The following NDUFS1 variants were observed in gnomAD, a reference collection of about 807,000 sequenced individuals.
The protein encoded by NDUFS1 is NADH:ubiquinone oxidoreductase core subunit S1.
In NDUFS1, 61 loss-of-function variants were observed where a neutral mutation model predicts 84.4. The observed-to-expected ratio is 0.72, with a 90% CI of 0.59 to 0.89. The LOEUF is 0.89. Ranked by LOEUF, NDUFS1 falls within the 40% of genes least tolerant of loss-of-function variation. The pLI, the probability that NDUFS1 is intolerant of heterozygous loss-of-function variation, is 0.00. For missense variants in NDUFS1, 891 were observed against 890.0 expected (o/e 1.00, Z -0.01); for synonymous variants, 275 against 290.0 (o/e 0.95, Z 0.53).
At chr2:206,141,596 T>C (rs1303207121) in intron 12 of NDUFS1, among the ~76,000 whole-genome samples, 2 of 79,080 alleles carry the variant, frequency 2.5e-5, no homozygotes, top group Non-Finnish European at 4.6e-5. Flanking sequence ...ATTAAAAAAA[T>C]TAAAAAAAAA....
intron 13 of NDUFS1, among the ~76,000 whole-genome samples, chr2:206,137,471 C>A (rs530128151): frequency 6.6e-6 from 1 of 151,018 alleles, no homozygotes. Context: ...TTCGTCTCCC[C>A]GCCAAGGAAA....
intron 3 of NDUFS1, among the ~76,000 whole-genome samples, chr2:206,151,926 C>T (rs912670060): frequency 3.3e-5 from 5 of 152,094 alleles, no homozygotes; most frequent in African/African-American, 1.2e-4. Context: ...AGTGCAGTGG[C>T]ACAATCTCGG....
At chr2:206,144,334 C>T (rs1692077857) in intron 9 of NDUFS1, among the ~76,000 whole-genome samples, 1 of 151,814 alleles carries the variant, frequency 6.6e-6, no homozygotes, top group Non-Finnish European at 1.5e-5. Context: ...ACTAAAATAC[C>T]ATCTGAAAGT....
In NDUFS1 at chr2:206,116,026, T is replaced by C; in HGVS notation, c.*8159A>G. On this transcript the variant is annotated 3_prime_UTR_variant, in exon 19 of 19. Transcript: ENST00000233190. ...CCATGGGTAATGCTAAAAGTTGCTA[T>C]TCTAAGTCTTCTATCCACCACTAAT... 1 of 794,786 alleles carries C rather than the reference T, an allele frequency of 1.3e-6. No individual in the cohort carries two copies. Among genetic ancestry groups the C allele is most frequent in the South Asian group, 1.4e-5 (1 of 73,526 alleles). The allele number at this position is 794,786 out of a possible 1,614,324, so 49.2% of individuals were successfully genotyped here. A position where few individuals can be genotyped will look rare whatever the true frequency, so the allele number is the denominator to read the frequency against.
At chr2:206,150,178 G>A (rs952713407) in intron 3 of NDUFS1, among the ~76,000 whole-genome samples, 1 of 152,170 alleles carries the variant, frequency 6.6e-6, no homozygotes, top group Non-Finnish European at 1.5e-5. Context: ...ACTGGATAAA[G>A]TATCCTTCCA....
At position 206,135,445 on chromosome 2, in the gene NDUFS1, C is replaced by G. The variant is rs957598388; in HGVS notation, c.1393-2340G>C. Among the ~76,000 whole-genome samples, 4 of 152,098 alleles carry G rather than the reference C, an allele frequency of 2.6e-5. No homozygotes were observed. The South Asian group carries it at 8.3e-4, about 32-fold the overall frequency. ...ATCCCAGTACTTTGGGAGGCCGACA[C>G]GGGCAGATCACGAGGTCAGGAGATT... On this transcript the variant is annotated intron_variant, in intron 13 of 18. Transcript: ENST00000233190.
At chr2:206,140,647 A>AT (rs1691902801) in intron 12 of NDUFS1, among the ~76,000 whole-genome samples, 1 of 151,654 alleles carries the variant, frequency 6.6e-6, no homozygotes. Flanking sequence ...TGCCCGGCTA[A>AT]TTTTGTATTT....
rs747088738 is a variant in NDUFS1 at position 206,133,103 on chromosome 2, G to A, written c.1395C>T (p.Val465=). The A allele has an allele frequency of 6.3e-7, 1 of 1,596,738 alleles. No individual in the cohort carries two copies. The highest frequency in any genetic ancestry group is 8.5e-7 in the Non-Finnish European group (1 of 1,172,380). The stretch of plus-strand genomic sequence containing the variant: ...CCATTGGTTTTTTAGCTTCCTTTAG[G>A]ACCTATTTAAAAAAAAAAACAACTT... ...IASGSHPFSQ[V]LKEAKKPMVV... Residue 465 remains valine, a splice_region_variant and synonymous_variant, in exon 14 of 19, where the codon GTC becomes GTT. Coordinates refer to ENST00000233190, the MANE Select transcript of NDUFS1 (RefSeq NM_005006.7).
rs182744192 is a variant in NDUFS1 at position 206,154,693 on chromosome 2, G to A, written c.-4-1011C>T. 3.8e-3 allele frequency among the ~76,000 whole-genome samples: 582 copies of A among 152,110 alleles called. 8 individuals are homozygous for A. The highest frequency in any genetic ancestry group is 0.013 in the African/African-American group (550 of 41,496). On this transcript the variant is annotated intron_variant, in intron 1 of 18. Coordinates refer to ENST00000233190, the MANE Select transcript of NDUFS1 (RefSeq NM_005006.7). Reference sequence around the variant, plus strand: ...GACTGGAGTGCACTGGTGCAATCTCGGCTCACTGCAACCTCCACCGCCCGG... The same window carrying A: ...GACTGGAGTGCACTGGTGCAATCTCAGCTCACTGCAACCTCCACCGCCCGG...
chr2:206,157,505 TA>T (rs1445183140), intron 1 of NDUFS1, among the ~76,000 whole-genome samples: 2 of 152,192 alleles, frequency 1.3e-5, no homozygotes, highest in Non-Finnish European at 2.9e-5. Context: ...TCTGTCCTAT[TA>T]AAAACTACTG....
At chr2:206,148,126 T>C (rs1033043062) in intron 5 of NDUFS1, among the ~76,000 whole-genome samples, 2 of 152,268 alleles carry the variant, frequency 1.3e-5, no homozygotes, top group East Asian at 1.9e-4. Context: ...GGTTTCATCA[T>C]GTTGGTCAGG....
intron 8 of NDUFS1, among the ~76,000 whole-genome samples, chr2:206,145,857 G>C (rs1458551446): frequency 6.6e-6 from 1 of 152,182 alleles, no homozygotes; most frequent in Non-Finnish European, 1.5e-5. Flanking sequence ...TTGTGGAGGT[G>C]ATACTTTGGA....
chr2:206,120,726 G>GGGAAGC lies in NDUFS1; in HGVS notation c.*3453_*3458dup, dbSNP rs1276959863. ...ACTTAAAGTTGGAACATATTTAAAA[G>GGGAAGC]GGAAGCAGAGCGTAGAAGTTTGGAA... On this transcript the variant is annotated 3_prime_UTR_variant, in exon 19 of 19. Transcript: ENST00000233190. 6.6e-6 allele frequency: 1 copy of GGGAAGC among 152,240 alleles called. No homozygotes were observed. The highest frequency in any genetic ancestry group is 1.5e-5 in the Non-Finnish European group (1 of 68,056). The allele number at this position is 152,240 out of a possible 1,614,324, so 9.4% of individuals were successfully genotyped here. A position where few individuals can be genotyped will look rare whatever the true frequency, so the allele number is the denominator to read the frequency against.
At chr2:206,142,399 G>C (rs564917421) in intron 11 of NDUFS1, among the ~76,000 whole-genome samples, 2 of 151,700 alleles carry the variant, frequency 1.3e-5, no homozygotes, top group African/African-American at 4.8e-5. Flanking sequence ...ATTTTTAGTA[G>C]AGACGGGGTT....
chr2:206,152,598 T>C lies in NDUFS1; in HGVS notation c.62-88A>G, dbSNP rs1487883668. Reference sequence around the variant, plus strand: ...GATGAATTGACTCTAACTACAAACCTAAAATTTTTCATTCCTTATTATTCC... The same window carrying C: ...GATGAATTGACTCTAACTACAAACCCAAAATTTTTCATTCCTTATTATTCC... On this transcript the variant is annotated intron_variant, in intron 2 of 18. Coordinates refer to ENST00000233190, the MANE Select transcript of NDUFS1 (RefSeq NM_005006.7). 26 of 1,163,808 alleles carry C rather than the reference T, an allele frequency of 2.2e-5. No individual in the cohort carries two copies. The East Asian group carries it at 5.6e-4, about 25-fold the overall frequency. 72.1% of individuals were successfully genotyped at this position (1,163,808 alleles called of 1,614,324 possible).
intron 12 of NDUFS1, among the ~76,000 whole-genome samples, chr2:206,141,277 G>A (rs949925385): frequency 7.9e-4 from 120 of 152,166 alleles, no homozygotes; most frequent in Middle Eastern, 6.8e-3. Flanking sequence ...GGGCGCGGTG[G>A]CTCACACCTG....
chr2:206,121,383 T>C lies in NDUFS1; in HGVS notation c.*2802A>G, dbSNP rs1691089413. 1 of 152,212 alleles carries C rather than the reference T, an allele frequency of 6.6e-6. No homozygotes were observed. Among genetic ancestry groups the C allele is most frequent in the Non-Finnish European group, 1.5e-5 (1 of 68,038 alleles). The allele number at this position is 152,212 out of a possible 1,614,324, so 9.4% of individuals were successfully genotyped here. A position where few individuals can be genotyped will look rare whatever the true frequency, so the allele number is the denominator to read the frequency against. ...CTTACAATAACCTTAGTATTTGGCA[T>C]TACGACACTAATATGTGCCCATGAG... is the stretch of plus-strand genomic sequence containing the variant. On this transcript the variant is annotated 3_prime_UTR_variant, in exon 19 of 19. Transcript: ENST00000233190.
chr2:206,137,751 CT>C (rs1161137414), intron 13 of NDUFS1, among the ~76,000 whole-genome samples: 20 of 151,846 alleles, frequency 1.3e-4, no homozygotes, highest in African/African-American at 4.8e-4. Flanking sequence ...AAAGAAAGAA[CT>C]CAAATGAAAA....
chr2:206,150,467 C>T (rs888507674), intron 3 of NDUFS1, among the ~76,000 whole-genome samples: 6 of 152,180 alleles, frequency 3.9e-5, no homozygotes, highest in Admixed American at 2.6e-4. Flanking sequence ...ATTTCTTCCT[C>T]CTTTTAGTCT....
Sources: allele counts gnomAD v4.1 joint callset (sites outside exome capture counted in the v4.1 genomes callset), GRCh38; gene constraint gnomAD v4.1.1; transcripts MANE v1.5; gene names NCBI Gene and HGNC (gene_info 2026-07-23, HGNC 2026-07-21).